FPR2: variants seen among roughly 807,000 people sequenced by gnomAD.
The protein encoded by FPR2 is N-formyl peptide receptor 2.
FPR2 carries 3 observed loss-of-function variants against 4.0 expected under a neutral mutation model. That is an observed-to-expected ratio of 0.74 (90% CI 0.34 to 1.92). FPR2 has a LOEUF of 1.92. Among genes scored for constraint, FPR2 ranks in the 30% most tolerant of loss-of-function variants. FPR2 has a pLI of 0.07. For synonymous variants in FPR2, 179 were observed against 171.5 expected, an observed-to-expected ratio of 1.04 and a Z score of -0.34; for missense variants, 372 against 435.7, an observed-to-expected ratio of 0.85 and a Z score of 1.30.
chr19:51,763,229 C>G (rs75966051), intron 1 of FPR2: 1 of 152,016 alleles, frequency 6.6e-6, no homozygotes, highest in African/African-American at 2.4e-5. Flanking sequence ...GTAAAAGCTG[C>G]GGGACACTCC....
intron 1 of FPR2, among the ~76,000 whole-genome samples, chr19:51,767,682 C>T (rs2083875567): frequency 6.6e-6 from 1 of 152,118 alleles, no homozygotes; most frequent in South Asian, 2.1e-4. Flanking sequence ...GTTTAGAAGT[C>T]AGACCATGCC....
chr19:51,762,085 C>CTT (rs373394742), intron 1 of FPR2, among the ~76,000 whole-genome samples: 168 of 129,918 alleles, frequency 1.3e-3, no homozygotes, highest in African/African-American at 4.5e-3. Flanking sequence ...TTTATTGGAC[C>CTT]TTTTTTTTTT....
At chr19:51,764,440 G>A (rs1204558355) in intron 1 of FPR2, among the ~76,000 whole-genome samples, 1 of 152,208 alleles carries the variant, frequency 6.6e-6, no homozygotes, top group African/African-American at 2.4e-5. Flanking sequence ...TAATTAAGGT[G>A]TGGGATAGCG....
At chr19:51,765,218 C>G (rs1242169859) in intron 1 of FPR2, among the ~76,000 whole-genome samples, 3 of 152,182 alleles carry the variant, frequency 2.0e-5, no homozygotes, top group Non-Finnish European at 4.4e-5. Flanking sequence ...TAGAGAAAAT[C>G]TGAGTCTGTT....
chr19:51,762,085 CTTTT>C (rs373394742), intron 1 of FPR2, among the ~76,000 whole-genome samples: 3 of 129,924 alleles, frequency 2.3e-5, no homozygotes, highest in Non-Finnish European at 1.6e-5. Context: ...TTTATTGGAC[CTTTT>C]TTTTTTTTTT....
chr19:51,765,701 G>A (rs887783417), intron 1 of FPR2, among the ~76,000 whole-genome samples: 1 of 152,176 alleles, frequency 6.6e-6, no homozygotes, highest in African/African-American at 2.4e-5. Flanking sequence ...ACAGCCTGGT[G>A]AGGGCCAAGA....
chr19:51,769,183 C>T lies in FPR2; in HGVS notation c.525C>T (p.Tyr175=), dbSNP rs749550116. The T allele has an allele frequency of 1.2e-6, 2 of 1,614,194 alleles. No individual in the cohort carries two copies. Among genetic ancestry groups the T allele is most frequent in the East Asian group, 2.2e-5 (1 of 44,882 alleles). ...TTVTIPNGDT[Y]CTFNFASWGG... ...TAACTATTCCAAATGGGGACACATA[C>T]TGTACTTTCAACTTTGCATCCTGGG... The change falls in exon 2 of 2, where the codon TAC becomes TAT. Residue 175 remains tyrosine, a synonymous_variant. Transcript: ENST00000340023. The surrounding 1 kb of genome is among the most constrained non-coding windows in gnomAD (Gnocchi z 4.4).
At chr19:51,768,097 A>T (rs1205671606) in intron 1 of FPR2, among the ~76,000 whole-genome samples, 1 of 152,024 alleles carries the variant, frequency 6.6e-6, no homozygotes. Flanking sequence ...GTTACCAGTG[A>T]CTCCTCAAAA....
At chr19:51,764,401 G>A (rs939667186) in intron 1 of FPR2, among the ~76,000 whole-genome samples, 2 of 152,156 alleles carry the variant, frequency 1.3e-5, no homozygotes, top group Admixed American at 1.3e-4. Context: ...GAGTAAATGA[G>A]GTACTTTTTG....
chr19:51,761,644 C>T (rs1490615302), intron 1 of FPR2, among the ~76,000 whole-genome samples: 1 of 152,132 alleles, frequency 6.6e-6, no homozygotes, highest in African/African-American at 2.4e-5. Context: ...AAACAACAAA[C>T]TAGCCAGGCG....
intron 1 of FPR2, among the ~76,000 whole-genome samples, chr19:51,766,912 G>C (rs1221037267): frequency 6.6e-6 from 1 of 152,212 alleles, no homozygotes; most frequent in East Asian, 1.9e-4. Context: ...TCTAGAATGA[G>C]ATTTATGGAT....
At chr19:51,766,342 G>A (rs958490528) in intron 1 of FPR2, among the ~76,000 whole-genome samples, 3 of 151,236 alleles carry the variant, frequency 2.0e-5, no homozygotes, top group Non-Finnish European at 4.4e-5. Context: ...TGCTACTGGT[G>A]TCTGTGGATA....
intron 1 of FPR2, chr19:51,762,274 G>C (rs1429293674): frequency 6.6e-6 from 1 of 151,334 alleles, no homozygotes; most frequent in Non-Finnish European, 1.5e-5. Flanking sequence ...TTTTAGTAGA[G>C]ACGGGGTTTC....
chr19:51,769,830 C>T lies in FPR2; in HGVS notation c.*116C>T. On this transcript the variant is annotated 3_prime_UTR_variant, in exon 2 of 2. Coordinates refer to ENST00000340023, the MANE Select transcript of FPR2 (RefSeq NM_001005738.2). The surrounding 1 kb of genome is among the most constrained non-coding windows in gnomAD (Gnocchi z 4.4). ...AGGATGCACAGCTCAAGTATTTATT[C>T]AGGAAAAATGCTTTTGTGTCCCTGA... The T allele has an allele frequency of 1.2e-6, 1 of 846,182 alleles. No individual in the cohort carries two copies. Among genetic ancestry groups the T allele is most frequent in the Non-Finnish European group, 1.8e-6 (1 of 541,350 alleles). 52.4% of individuals were successfully genotyped at this position (846,182 alleles called of 1,614,324 possible). A position where few individuals can be genotyped will look rare whatever the true frequency, so the allele number is the denominator to read the frequency against.
intron 1 of FPR2, chr19:51,762,442 G>C (rs911773126): frequency 5.4e-5 from 8 of 148,250 alleles, no homozygotes; most frequent in African/African-American, 2.0e-4. Flanking sequence ...GCCCAGGCTG[G>C]AGTGCAATGG....
At position 51,768,943 on chromosome 19, in the gene FPR2, G is replaced by A; in HGVS notation, c.285G>A (p.Trp95Ter). Residue 95 changes from tryptophan (W) to a stop codon, truncating the protein, a stop_gained, in exon 2 of 2, where the codon TGG (tryptophan) becomes TGA (stop). Coordinates refer to ENST00000340023, the MANE Select transcript of FPR2 (RefSeq NM_001005738.2). LOFTEE classifies it low-confidence loss of function (END_TRUNC). ...MAMGEKWPFGWFLCKLIHIVV... is the reference protein window; with the variant it reads ...MAMGEKWPFG ...TGGGAGAAAAATGGCCTTTTGGCTG[G>A]TTCCTGTGTAAGTTAATTCACATCG... The A allele has an allele frequency of 1.2e-6, 2 of 1,614,152 alleles. No individual in the cohort carries two copies. Among genetic ancestry groups the A allele is most frequent in the South Asian group, 1.1e-5 (1 of 91,078 alleles).
chr19:51,763,354 T>C (rs2083851217), intron 1 of FPR2: 1 of 152,148 alleles, frequency 6.6e-6, no homozygotes, highest in Non-Finnish European at 1.5e-5. Context: ...TATCATCTCA[T>C]GGCACAGGAA....
At chr19:51,766,340 G>A (rs1034061767) in intron 1 of FPR2, among the ~76,000 whole-genome samples, 1 of 151,584 alleles carries the variant, frequency 6.6e-6, no homozygotes, top group African/African-American at 2.4e-5. Context: ...GTTGCTACTG[G>A]TGTCTGTGGA....
In FPR2 at chr19:51,769,013, A is replaced by C; in HGVS notation, c.355A>C (p.Ile119Leu). ...TGGAAGTGTCTTCTTGATTGGTTTC[A>C]TTGCACTGGACCGCTGCATTTGTGT... ...LFGSVFLIGF[I>L]ALDRCICVLH... is the part of the protein sequence containing the mutation. Residue 119 changes from isoleucine to leucine, a missense_variant, in exon 2 of 2, where the codon ATT becomes CTT. Transcript: ENST00000340023. The surrounding 1 kb of genome is among the most constrained non-coding windows in gnomAD (Gnocchi z 4.4). 6.2e-7 allele frequency: 1 copy of C among 1,614,138 alleles called. No individual in the cohort carries two copies. The highest frequency in any genetic ancestry group is 8.5e-7 in the Non-Finnish European group (1 of 1,180,042).
Sources: gnomAD v4.1 joint callset for allele counts (sites outside exome capture counted in the v4.1 genomes callset) on GRCh38, gnomAD v4.1.1 for gene constraint, Gnocchi (gnomAD v3.1) non-coding constraint, MANE v1.5 for transcripts, NCBI Gene and HGNC (gene_info 2026-07-23, HGNC 2026-07-21) for gene names.